MYO6: variants seen among roughly 807,000 people sequenced by gnomAD.
MYO6 encodes unconventional myosin-VI.
In MYO6, 74 loss-of-function variants were observed where a neutral mutation model predicts 178.7. That is an observed-to-expected ratio of 0.41 (90% CI 0.34 to 0.50). The LOEUF (loss-of-function observed/expected upper bound fraction) is 0.50. Among genes scored for constraint, MYO6 ranks in the 20% least tolerant of loss-of-function variants. The probability of loss-of-function intolerance (pLI) is 0.09; values close to 1 mark genes in which losing one functional copy is unlikely to be tolerated. For missense variants in MYO6, 1,330 were observed against 1,547.4 expected (o/e 0.86, Z 2.36); for synonymous variants, 477 against 504.6 (o/e 0.95, Z 0.73).
chr6:75,862,609 C>G lies in MYO6; in HGVS notation c.1560C>G (p.Ala520=). The part of the protein sequence containing the change: ...DNQDCIDLIE[A]KLVGILDILD... ...TTTTTGAAATAGATTTAATTGAAGC[C>G]AAATTAGTGGGAATACTGGATATTT... Residue 520 remains alanine, a synonymous_variant, in exon 16 of 35, where the codon GCC becomes GCG. Coordinates refer to ENST00000369977, the MANE Select transcript of MYO6 (RefSeq NM_004999.4). 1 of 1,613,304 alleles carries G rather than the reference C, an allele frequency of 6.2e-7. No homozygotes were observed. The highest frequency in any genetic ancestry group is 8.5e-7 in the Non-Finnish European group (1 of 1,179,470).
intron 1 of MYO6, among the ~76,000 whole-genome samples, chr6:75,752,891 A>G (rs887782197): frequency 5.9e-5 from 9 of 152,308 alleles, no homozygotes; most frequent in South Asian, 2.1e-4. Flanking sequence ...CCTGGTTGGG[A>G]TAGAACTTTA....
intron 16 of MYO6, among the ~76,000 whole-genome samples, chr6:75,864,281 C>CA (rs781017788): frequency 3.9e-5 from 6 of 152,236 alleles, no homozygotes; most frequent in Non-Finnish European, 8.8e-5. Flanking sequence ...TCATCATTAA[C>CA]AAAATCAGTG....
chr6:75,895,214 A>G lies in MYO6; in HGVS notation c.3108-17A>G. 6.3e-7 allele frequency: 1 copy of G among 1,591,474 alleles called. No homozygotes were observed. Among genetic ancestry groups the G allele is most frequent in the Non-Finnish European group, 8.6e-7 (1 of 1,160,754 alleles). On this transcript the variant is annotated splice_polypyrimidine_tract_variant and intron_variant, in intron 28 of 34. Coordinates refer to ENST00000369977, the MANE Select transcript of MYO6 (RefSeq NM_004999.4). The stretch of plus-strand genomic sequence containing the variant: ...ACAATTGGTTACGATATTAACTAAA[A>G]TATATTCTTTTCACAGAAATGATGG...
At chr6:75,868,388 T>A (rs888717027) in intron 18 of MYO6, among the ~76,000 whole-genome samples, 1 of 151,974 alleles carries the variant, frequency 6.6e-6, no homozygotes, top group Non-Finnish European at 1.5e-5. Flanking sequence ...TTTGCCTATA[T>A]GAAATGGATG....
chr6:75,816,252 A>G lies in MYO6; in HGVS notation c.-47-1249A>G, dbSNP rs12662475. On this transcript the variant is annotated intron_variant, in intron 1 of 34. Transcript: ENST00000369977. Reference sequence around the variant, plus strand: ...TGAAAGAAGACAGACATGAAAGAATACATACTGTATGATGTCACTTATATG... The same window carrying G: ...TGAAAGAAGACAGACATGAAAGAATGCATACTGTATGATGTCACTTATATG... Among the ~76,000 whole-genome samples, 1,999 of 152,346 alleles carry G rather than the reference A, an allele frequency of 0.013. 76 individuals carry two copies. In the East Asian group the frequency reaches 0.15, roughly 11 times the overall value.
intron 16 of MYO6, among the ~76,000 whole-genome samples, chr6:75,864,566 A>T (rs1776484909): frequency 6.6e-6 from 1 of 152,150 alleles, no homozygotes; most frequent in Admixed American, 6.5e-5. Flanking sequence ...CTATGGATGC[A>T]TGATTACCTT....
At chr6:75,810,750 A>G (rs577308080) in intron 1 of MYO6, among the ~76,000 whole-genome samples, 179 of 152,336 alleles carry the variant, frequency 1.2e-3, no homozygotes, top group African/African-American at 4.2e-3. Flanking sequence ...TGGGCTGTGC[A>G]GGCCTGTCAA....
At chr6:75,879,777 C>G (rs368572878) in intron 20 of MYO6, 43 bp from the exon 21 acceptor site, 6 of 1,613,854 alleles carry the variant, frequency 3.7e-6, no homozygotes, top group Non-Finnish European at 5.1e-6. Context: ...TTTGGACTTC[C>G]GAACAGTGAT....
chr6:75,766,507 T>A (rs910316836), intron 1 of MYO6, among the ~76,000 whole-genome samples: 36 of 152,152 alleles, frequency 2.4e-4, no homozygotes, highest in Admixed American at 2.4e-3. Flanking sequence ...TTTATTTCAG[T>A]TTGTGAAGGT....
chr6:75,804,742 G>C (rs1283577518), intron 1 of MYO6, among the ~76,000 whole-genome samples: 1 of 151,798 alleles, frequency 6.6e-6, no homozygotes, highest in Non-Finnish European at 1.5e-5. Context: ...GTCTTGGAAG[G>C]ATTCTGTTTG....
rs776430632 is a variant in MYO6 at position 75,914,820 on chromosome 6, C to G, written c.3666C>G (p.Asp1222Glu). Residue 1222 changes from aspartate (D) to glutamate (E), a missense_variant, in exon 35 of 35, where the codon GAC becomes GAG. This residue lies in a region of MYO6 where 601 missense variants were observed against 626.1 expected (regional missense o/e 0.96). Coordinates refer to ENST00000369977, the MANE Select transcript of MYO6 (RefSeq NM_004999.4). ...GATATCTCATGAATACAGGTAAGGACGACATGGAGATGTGTGAGCTGAATC... is the reference window on the plus strand; with the variant it reads ...GATATCTCATGAATACAGGTAAGGAGGACATGGAGATGTGTGAGCTGAATC... ...KPPILLVAGK[D>E]DMEMCELNLE... 2 of 1,614,020 alleles carry G rather than the reference C, an allele frequency of 1.2e-6. No homozygotes were observed. Among genetic ancestry groups the G allele is most frequent in the East Asian group, 4.5e-5 (2 of 44,878 alleles).
rs1775640437 is a variant in MYO6, at chr6:75,855,249, ACAACAG to A, written c.1192_1197del (p.Thr398_Ala399del). The A allele has an allele frequency of 6.2e-7, 1 of 1,613,592 alleles. No individual in the cohort carries two copies. Among genetic ancestry groups the A allele is most frequent in the South Asian group, 1.1e-5 (1 of 91,068 alleles). On this transcript the variant is annotated inframe_deletion, in exon 12 of 35. Coordinates refer to ENST00000369977, the MANE Select transcript of MYO6 (RefSeq NM_004999.4). ...AAGTTTGACCACAAGAGTCATGCTA[ACAACAG>A]CAGGGGGCACCAAAGGAACAGTTAT...
At chr6:75,901,440 A>G (rs915834537) in intron 30 of MYO6, among the ~76,000 whole-genome samples, 3 of 152,162 alleles carry the variant, frequency 2.0e-5, no homozygotes, top group African/African-American at 4.8e-5. Context: ...GGTCCTTCAC[A>G]TCCCTTGTAA....
In MYO6 at chr6:75,888,548, G is replaced by A. The variant is rs542457242; in HGVS notation, c.2659-1509G>A. On this transcript the variant is annotated intron_variant, in intron 25 of 34. Transcript: ENST00000369977. ...TGCTTGAGCCTAGGAGATGGAGGTT[G>A]CAGTGAACAGAGATTGCACCACTGC... 4.6e-5 allele frequency among the ~76,000 whole-genome samples: 7 copies of A among 151,746 alleles called. No individual in the cohort carries two copies. The South Asian group carries it at 1.5e-3, about 32-fold the overall frequency.
chr6:75,842,502 C>A (rs78549856), intron 9 of MYO6, among the ~76,000 whole-genome samples: 1 of 152,104 alleles, frequency 6.6e-6, no homozygotes, highest in Non-Finnish European at 1.5e-5. Context: ...TTGCAGACAG[C>A]TTTTCTTTTA....
At chr6:75,832,771 A>G (rs1244540694) in intron 5 of MYO6, 71 bp from the exon 6 acceptor site, 1 of 927,330 alleles carries the variant, frequency 1.1e-6, no homozygotes, top group African/African-American at 1.7e-5. Context: ...AAGTGGTCCT[A>G]AAGTGAACTT....
intron 20 of MYO6, among the ~76,000 whole-genome samples, chr6:75,873,646 C>G (rs1777332232): frequency 6.6e-6 from 1 of 152,104 alleles, no homozygotes; most frequent in Non-Finnish European, 1.5e-5. Flanking sequence ...GTGAAATAAA[C>G]AATTTCACAT....
At position 75,915,273 on chromosome 6, in the gene MYO6, T is replaced by A; in HGVS notation, c.*261T>A. Reference sequence around the variant, plus strand: ...ACTATTACACATGGGCATATTCTGATGTTTCTCATCCTTTGCCAGAAGACT... The same window carrying A: ...ACTATTACACATGGGCATATTCTGAAGTTTCTCATCCTTTGCCAGAAGACT... On this transcript the variant is annotated 3_prime_UTR_variant, in exon 35 of 35. Coordinates refer to ENST00000369977, the MANE Select transcript of MYO6 (RefSeq NM_004999.4). 1 of 500,214 alleles carries A rather than the reference T, an allele frequency of 2.0e-6. No homozygotes were observed. Among genetic ancestry groups the A allele is most frequent in the Non-Finnish European group, 3.6e-6 (1 of 274,886 alleles). The allele number at this position is 500,214 out of a possible 1,614,324, so 31.0% of individuals were successfully genotyped here.
intron 7 of MYO6, among the ~76,000 whole-genome samples, chr6:75,838,175 A>G (rs939132107): frequency 1.3e-5 from 2 of 151,002 alleles, no homozygotes; most frequent in Admixed American, 6.6e-5. Context: ...GCTTCATCCT[A>G]CCGAGTAGCT....
Sources: allele counts gnomAD v4.1 joint callset (sites outside exome capture counted in the v4.1 genomes callset), GRCh38; gene constraint gnomAD v4.1.1; regional missense constraint gnomAD v4.1.1; transcripts MANE v1.5; gene names NCBI Gene and HGNC (gene_info 2026-07-23, HGNC 2026-07-21).